SNX2: variants seen among roughly 807,000 people sequenced by gnomAD.
The protein encoded by SNX2 is sorting nexin-2.
Under a neutral mutation model 69.9 loss-of-function variants are expected in SNX2, and 25 were observed. That is an observed-to-expected ratio of 0.36 (90% CI 0.26 to 0.50). The LOEUF (loss-of-function observed/expected upper bound fraction) is 0.50, where lower values mean the gene tolerates loss of function less well. SNX2 is among the 20% of genes least tolerant of loss of function. The pLI is 0.97. For synonymous variants in SNX2, 229 were observed against 200.4 expected (o/e 1.14, Z -1.20); for missense variants, 551 against 613.3 (o/e 0.90, Z 1.07).
chr5:122,827,551 A>G, intron 13 of SNX2, 24 bp from the exon 14 acceptor site: 1 of 1,609,336 alleles, frequency 6.2e-7, no homozygotes, highest in South Asian at 1.1e-5. Flanking sequence ...CTACTAACGG[A>G]CTTTTTAAAA....
At chr5:122,776,967 C>T (rs1752871379) in intron 1 of SNX2, among the ~76,000 whole-genome samples, 1 of 152,114 alleles carries the variant, frequency 6.6e-6, no homozygotes, top group Non-Finnish European at 1.5e-5. Flanking sequence ...CATCTCAGCA[C>T]CTTATTTAAT....
intron 11 of SNX2, among the ~76,000 whole-genome samples, chr5:122,825,636 C>G (rs1754134418): frequency 6.6e-6 from 1 of 151,868 alleles, no homozygotes; most frequent in Non-Finnish European, 1.5e-5. Context: ...TTTGTCTTTT[C>G]AATTTCAGAC....
intron 3 of SNX2, among the ~76,000 whole-genome samples, chr5:122,800,344 C>A (rs188811905): frequency 6.6e-6 from 1 of 152,030 alleles, no homozygotes; most frequent in East Asian, 1.9e-4. Context: ...ATTTTAATGG[C>A]AAAATTATGT....
rs762094497 is a variant in SNX2 at position 122,827,437 on chromosome 5, G to A, written c.1415G>A (p.Arg472Gln). The A allele has an allele frequency of 4.4e-5, 71 of 1,613,262 alleles. No individual in the cohort carries two copies. The highest frequency in any genetic ancestry group is 3.3e-5 in the Admixed American group (2 of 59,986). Residue 472 changes from arginine (R) to glutamine (Q), a missense_variant, in exon 13 of 15, where the codon CGA (arginine) becomes CAA (glutamine). This residue lies in a region of SNX2 where 360 missense variants were observed against 450.4 expected (regional missense o/e 0.80). Transcript: ENST00000379516. ...TTTGAACAGATATCTAAAACGATTC[G>A]AAAAGAAGTGGGAAGATTTGAGGCA... The part of the protein sequence containing the change: ...RDFEQISKTI[R>Q]KEVGRFEKER...
At chr5:122,804,633 C>T (rs1179261668) in intron 6 of SNX2, among the ~76,000 whole-genome samples, 1 of 152,030 alleles carries the variant, frequency 6.6e-6, no homozygotes, top group East Asian at 1.9e-4. Flanking sequence ...TCCCAAAGTG[C>T]TGGGATTAGA....
chr5:122,821,387 G>A (rs1754016674), intron 11 of SNX2, among the ~76,000 whole-genome samples: 1 of 151,020 alleles, frequency 6.6e-6, no homozygotes, highest in Non-Finnish European at 1.5e-5. Context: ...TGTGTGTAGT[G>A]TTCTTTGTCT....
intron 2 of SNX2, among the ~76,000 whole-genome samples, chr5:122,798,560 C>T (rs1753437704): frequency 6.6e-6 from 1 of 152,074 alleles, no homozygotes; most frequent in Non-Finnish European, 1.5e-5. Context: ...CCATCTTGAA[C>T]CTCTAAGAAT....
At chr5:122,801,488 C>T (rs1206075495) in intron 3 of SNX2, among the ~76,000 whole-genome samples, 1 of 151,690 alleles carries the variant, frequency 6.6e-6, no homozygotes, top group Admixed American at 6.6e-5. Flanking sequence ...ACCTGTAATC[C>T]CAGCTACTTG....
In SNX2 at chr5:122,817,151, A is replaced by G. The variant is rs1442302096; in HGVS notation, c.912+123A>G. On this transcript the variant is annotated intron_variant, in intron 9 of 14. Coordinates refer to ENST00000379516, the MANE Select transcript of SNX2 (RefSeq NM_003100.4). ...CTTATTGAGTTTAGTTCTCAGCCAC[A>G]TCAGTTGGCCACCATGGTTATAAGG... The G allele has an allele frequency of 2.7e-6, 3 of 1,123,770 alleles. No individual in the cohort carries two copies. The African/African-American group carries it at 4.6e-5, about 17-fold the overall frequency. The allele number at this position is 1,123,770 out of a possible 1,614,324, so 69.6% of individuals were successfully genotyped here. A position where few individuals can be genotyped will look rare whatever the true frequency, so the allele number is the denominator to read the frequency against.
At chr5:122,780,379 G>A (rs1306764376) in intron 1 of SNX2, among the ~76,000 whole-genome samples, 1 of 152,078 alleles carries the variant, frequency 6.6e-6, no homozygotes, top group Non-Finnish European at 1.5e-5. Context: ...AATAGAAATA[G>A]TATAGAAGAC....
chr5:122,801,652 CGTGT>C lies in SNX2; in HGVS notation c.391-182_391-179del, dbSNP rs61189602. Among the ~76,000 whole-genome samples, 991 of 132,062 alleles carry C rather than the reference CGTGT, an allele frequency of 7.5e-3. 2 individuals carry two copies. Among genetic ancestry groups the C allele is most frequent in the Middle Eastern group, 0.011 (3 of 270 alleles). 86.6% of individuals were successfully genotyped at this position (132,062 alleles called of 152,430 possible). ...TGTTACTTCTCCAAATGGTCTTTTT[CGTGT>C]GTGTGTGTGTGTGTGTGTGTGTGTG... On this transcript the variant is annotated intron_variant, in intron 3 of 14. Coordinates refer to ENST00000379516, the MANE Select transcript of SNX2 (RefSeq NM_003100.4).
chr5:122,819,635 G>A (rs1320157160), intron 11 of SNX2, among the ~76,000 whole-genome samples: 1 of 152,168 alleles, frequency 6.6e-6, no homozygotes, highest in Non-Finnish European at 1.5e-5. Flanking sequence ...GCAGTTTTCA[G>A]ACAGTTAAAC....
rs563922246 is a variant in SNX2 at position 122,803,388 on chromosome 5, A to T, written c.502-84A>T. 29 of 1,291,886 alleles carry T rather than the reference A, an allele frequency of 2.2e-5. No individual in the cohort carries two copies. In the African/African-American group the frequency reaches 3.7e-4, roughly 16 times the overall value. 80.0% of individuals were successfully genotyped at this position (1,291,886 alleles called of 1,614,324 possible). ...ATTCTTTTGCAAAGTAGATACATGT[A>T]TGTGTTCACAATTATGTATAACATT... On this transcript the variant is annotated intron_variant, in intron 5 of 14. Coordinates refer to ENST00000379516, the MANE Select transcript of SNX2 (RefSeq NM_003100.4).
intron 1 of SNX2, among the ~76,000 whole-genome samples, chr5:122,791,275 C>T (rs1459140267): frequency 6.6e-6 from 1 of 151,970 alleles, no homozygotes; most frequent in Non-Finnish European, 1.5e-5. Flanking sequence ...AGACATGCGC[C>T]ACCATGCCCG....
chr5:122,821,643 G>T (rs1754027949), intron 11 of SNX2, among the ~76,000 whole-genome samples: 1 of 151,994 alleles, frequency 6.6e-6, no homozygotes, highest in African/African-American at 2.4e-5. Flanking sequence ...TTTTAGTAGA[G>T]ACGAGGTTTC....
In SNX2 at chr5:122,830,819, G is replaced by T. The variant is rs1477568352; in HGVS notation, c.*1171G>T. On this transcript the variant is annotated 3_prime_UTR_variant, in exon 15 of 15. Coordinates refer to ENST00000379516, the MANE Select transcript of SNX2 (RefSeq NM_003100.4). ...AGGTCAGGAGTTCAAGACTAGCCTG[G>T]CCAACATGGTAAAACTCCATCTCTA... Among the ~76,000 whole-genome samples the T allele has an allele frequency of 1.3e-5, 2 of 151,856 alleles. No individual in the cohort carries two copies. The highest frequency in any genetic ancestry group is 2.9e-5 in the Non-Finnish European group (2 of 67,956).
chr5:122,808,230 T>C, intron 6 of SNX2, 47 bp from the exon 7 acceptor site: 1 of 1,199,176 alleles, frequency 8.3e-7, no homozygotes, highest in Non-Finnish European at 1.2e-6. Flanking sequence ...TGAAAGACTT[T>C]CACAGCAATA....
At position 122,803,452 on chromosome 5, in the gene SNX2, C is replaced by T. The variant is rs2150008968; in HGVS notation, c.502-20C>T. On this transcript the variant is annotated intron_variant, in intron 5 of 14. Transcript: ENST00000379516. ...ATTGCTTGCTATTCAAAATTTGAAACACCTCTTCTTCACTTGTAGACATCT... is the reference window on the plus strand; with the variant it reads ...ATTGCTTGCTATTCAAAATTTGAAATACCTCTTCTTCACTTGTAGACATCT... 4 of 1,581,510 alleles carry T rather than the reference C, an allele frequency of 2.5e-6. No homozygotes were observed. Among genetic ancestry groups the T allele is most frequent in the Non-Finnish European group, 3.4e-6 (4 of 1,167,406 alleles).
Position 122,808,340 on chromosome 5 carries a change from G to A in SNX2, c.707G>A (p.Arg236Lys). The A allele has an allele frequency of 6.2e-7, 1 of 1,609,944 alleles. No individual in the cohort carries two copies. Among genetic ancestry groups the A allele is most frequent in the Non-Finnish European group, 8.5e-7 (1 of 1,177,786 alleles). ...SSSTEFVEKR[R>K]AALERYLQRT... ...TCCACTGAGTTTGTAGAAAAACGGA[G>A]AGCAGCTCTTGAAAGGTAATTCTAG... The change falls in exon 7 of 15, where the codon AGA (arginine) becomes AAA (lysine). Residue 236 changes from arginine to lysine, a missense_variant. This residue lies in a region of SNX2 where 360 missense variants were observed against 450.4 expected (regional missense o/e 0.80). Transcript: ENST00000379516.
Sources: allele counts gnomAD v4.1 joint callset (sites outside exome capture counted in the v4.1 genomes callset), GRCh38; gene constraint gnomAD v4.1.1; regional missense constraint gnomAD v4.1.1; transcripts MANE v1.5; gene names NCBI Gene and HGNC (gene_info 2026-07-23, HGNC 2026-07-21).